Variants in COL19A1 observed in about 807,000 individuals in gnomAD.
COL19A1 encodes the protein collagen alpha-1(XIX) chain.
COL19A1 carries 159 observed loss-of-function variants against 190.2 expected under a neutral mutation model. That is an observed-to-expected ratio of 0.84 (90% confidence interval 0.73 to 0.95). The LOEUF (loss-of-function observed/expected upper bound fraction) is 0.95. Among genes scored for constraint, COL19A1 ranks in the 40% least tolerant of loss-of-function variants. COL19A1 has a pLI of 0.00. For synonymous variants in COL19A1, 509 were observed against 458.9 expected, an observed-to-expected ratio of 1.11 and a Z score of -1.39; for missense variants, 1,418 against 1,431.9, an observed-to-expected ratio of 0.99 and a Z score of 0.16.
intron 16 of COL19A1, among the ~76,000 whole-genome samples, chr6:70,113,821 C>T (rs201076616): frequency 7.2e-6 from 1 of 138,196 alleles, no homozygotes; most frequent in East Asian, 2.1e-4. Context: ...CCTCTTGACT[C>T]TTCTTGTCAT....
chr6:69,897,543 G>T (rs1397130292), intron 2 of COL19A1, among the ~76,000 whole-genome samples: 1 of 151,696 alleles, frequency 6.6e-6, no homozygotes, highest in Non-Finnish European at 1.5e-5. Context: ...ATAAAACCAA[G>T]AACTAACATC....
chr6:70,040,394 A>G (rs1168754200), intron 14 of COL19A1, among the ~76,000 whole-genome samples: 1 of 152,120 alleles, frequency 6.6e-6, no homozygotes, highest in African/African-American at 2.4e-5. Context: ...GTTCAGCTAC[A>G]ATAGCTTTTA....
intron 11 of COL19A1, among the ~76,000 whole-genome samples, chr6:70,002,112 A>G (rs568473000): frequency 6.6e-6 from 1 of 152,320 alleles, no homozygotes; most frequent in African/African-American, 2.4e-5. Flanking sequence ...TTCTGCATAT[A>G]TAGAGATAAT....
chr6:70,189,267 T>G (rs1257514032), intron 47 of COL19A1, among the ~76,000 whole-genome samples: 1 of 152,346 alleles, frequency 6.6e-6, no homozygotes, highest in South Asian at 2.1e-4. Context: ...AGAGGAATTT[T>G]CAGTGAAGAG....
chr6:70,004,824 G>A (rs1334245962), intron 11 of COL19A1, among the ~76,000 whole-genome samples: 1 of 149,890 alleles, frequency 6.7e-6, no homozygotes, highest in African/African-American at 2.5e-5. Flanking sequence ...TGCTCCTTTA[G>A]CTCAGCGTAC....
In COL19A1 at chr6:69,883,824, A is replaced by G. The variant is rs1768729887; in HGVS notation, c.91+4166A>G. ...CATTTTCAGTCTGAGTATTAGCAGT[A>G]TACACAGATCTTTCAGGTATTAAAT... On this transcript the variant is annotated intron_variant, in intron 2 of 50. Transcript: ENST00000620364. Among the ~76,000 whole-genome samples the G allele has an allele frequency of 2.6e-5, 4 of 152,230 alleles. 1 individual carries two copies. In the South Asian group the frequency reaches 8.3e-4, roughly 31 times the overall value.
intron 11 of COL19A1, among the ~76,000 whole-genome samples, chr6:70,001,628 G>A (rs567845856): frequency 1.3e-5 from 2 of 151,964 alleles, no homozygotes; most frequent in South Asian, 2.1e-4. Context: ...TCTTTGTAAC[G>A]ATTGTGAATG....
In COL19A1 at chr6:70,126,202, C is replaced by T. The variant is rs6911486; in HGVS notation, c.1342-3980C>T. ...GCAAAATAATCTATTTTTCTTTTCACATATTAAATCATAACTTCACTTTAA... is the reference window on the plus strand; with the variant it reads ...GCAAAATAATCTATTTTTCTTTTCATATATTAAATCATAACTTCACTTTAA... On this transcript the variant is annotated intron_variant, in intron 17 of 50. Coordinates refer to ENST00000620364, the MANE Select transcript of COL19A1 (RefSeq NM_001858.6). Among the ~76,000 whole-genome samples, 405 of 151,158 alleles carry T rather than the reference C, an allele frequency of 2.7e-3. 2 individuals carry two copies. The highest frequency in any genetic ancestry group is 9.1e-3 in the African/African-American group (375 of 41,224).
At chr6:69,983,023 T>TAA (rs1562058752) in intron 11 of COL19A1, among the ~76,000 whole-genome samples, 4,841 of 136,480 alleles carry the variant, frequency 0.035, 108 homozygotes, top group Admixed American at 0.066. Context: ...TAAATAAATA[T>TAA]AAAATAAAAT....
At chr6:69,984,765 T>G (rs1376964834) in intron 11 of COL19A1, among the ~76,000 whole-genome samples, 1 of 152,184 alleles carries the variant, frequency 6.6e-6, no homozygotes, top group Non-Finnish European at 1.5e-5. Flanking sequence ...AATGACAATT[T>G]AGCTGTGTTT....
At chr6:70,061,972 A>C (rs1035207234) in intron 14 of COL19A1, among the ~76,000 whole-genome samples, 2 of 151,942 alleles carry the variant, frequency 1.3e-5, no homozygotes, top group African/African-American at 2.4e-5. Context: ...ATCCAACATT[A>C]CTTGATTATA....
chr6:70,069,129 T>G (rs1247676659), intron 15 of COL19A1, among the ~76,000 whole-genome samples: 6 of 152,086 alleles, frequency 3.9e-5, no homozygotes, highest in Non-Finnish European at 8.8e-5. Flanking sequence ...AAAAATCTTG[T>G]GTGTTCTTTC....
chr6:70,110,066 T>C (rs1784196887), intron 16 of COL19A1, among the ~76,000 whole-genome samples: 1 of 152,192 alleles, frequency 6.6e-6, no homozygotes, highest in African/African-American at 2.4e-5. Context: ...TTTCAGCATA[T>C]AGCAGGACCC....
chr6:70,064,696 G>C (rs1781066756), intron 14 of COL19A1, among the ~76,000 whole-genome samples: 1 of 152,138 alleles, frequency 6.6e-6, no homozygotes. Flanking sequence ...TGACATGATT[G>C]TATATCTAGA....
chr6:70,060,368 C>T (rs532657708), intron 14 of COL19A1, among the ~76,000 whole-genome samples: 1 of 152,190 alleles, frequency 6.6e-6, no homozygotes, highest in East Asian at 1.9e-4. Flanking sequence ...GAGCCTGTAT[C>T]CTCTACAGCA....
At chr6:70,121,514 A>G (rs1247344333) in intron 16 of COL19A1, among the ~76,000 whole-genome samples, 1 of 152,200 alleles carries the variant, frequency 6.6e-6, no homozygotes, top group East Asian at 1.9e-4. Context: ...TCTATAGTAC[A>G]TTGATCAAAA....
In COL19A1 at chr6:70,210,053, T is replaced by C. The variant is rs1028740584; in HGVS notation, c.*2779T>C. On this transcript the variant is annotated 3_prime_UTR_variant, in exon 51 of 51. Transcript: ENST00000620364. ...TTTATTTCCACATAGATGTTAATGA[T>C]GTTCAAAGCAGGGGAGAAGAATTAT... is the stretch of plus-strand genomic sequence containing the variant. 2.0e-5 allele frequency: 3 copies of C among 152,198 alleles called. No individual in the cohort carries two copies. Among genetic ancestry groups the C allele is most frequent in the African/African-American group, 7.2e-5 (3 of 41,456 alleles). The allele number at this position is 152,198 out of a possible 1,614,324, so 9.4% of individuals were successfully genotyped here.
At chr6:70,191,539 C>G (rs1305249492) in intron 48 of COL19A1, among the ~76,000 whole-genome samples, 1 of 152,176 alleles carries the variant, frequency 6.6e-6, no homozygotes, top group East Asian at 1.9e-4. Context: ...TAGGTCTTTC[C>G]AAATGCCATG....
At chr6:70,059,877 A>C (rs1261445496) in intron 14 of COL19A1, 1 of 430,502 alleles carries the variant, frequency 2.3e-6, no homozygotes, top group East Asian at 6.1e-5. Flanking sequence ...GTAAATTAAA[A>C]AGTAGAAAAC....
Sources: gnomAD v4.1 joint callset for allele counts (sites outside exome capture counted in the v4.1 genomes callset) on GRCh38, gnomAD v4.1.1 for gene constraint, MANE v1.5 for transcripts, NCBI Gene and HGNC (gene_info 2026-07-23, HGNC 2026-07-21) for gene names.